Variants in NTRK3 observed in about 807,000 individuals in gnomAD.
The protein encoded by NTRK3 is NT-3 growth factor receptor.
A neutral mutation model predicts 91.7 loss-of-function variants in NTRK3; 24 were observed. The ratio of observed to expected loss-of-function variants is 0.26; its 90% CI spans 0.19 to 0.37. The LOEUF (loss-of-function observed/expected upper bound fraction) is 0.37, where lower values mean the gene tolerates loss of function less well. Among genes scored for constraint, NTRK3 ranks in the 10% least tolerant of loss-of-function variants. The pLI is 1.00. For synonymous variants in NTRK3, 483 were observed against 404.0 expected (o/e 1.20, Z -2.34); for missense variants, 880 against 1,068.9 (o/e 0.82, Z 2.46).
At chr15:88,112,802 A>G (rs1201039465) in intron 13 of NTRK3, among the ~76,000 whole-genome samples, 1 of 152,174 alleles carries the variant, frequency 6.6e-6, no homozygotes, top group Non-Finnish European at 1.5e-5. Flanking sequence ...CCGCTTCAAG[A>G]AAGTGAACGG....
At chr15:88,200,506 T>C (rs1050888716) in intron 3 of NTRK3, among the ~76,000 whole-genome samples, 9 of 152,164 alleles carry the variant, frequency 5.9e-5, no homozygotes, top group African/African-American at 1.7e-4. Context: ...TGGGAGGTAA[T>C]TGAATCATGG....
Position 88,125,244 on chromosome 15 carries a change from G to A in NTRK3, c.1396+1027C>T, listed in dbSNP as rs558220948. 1.1e-4 allele frequency among the ~76,000 whole-genome samples: 16 copies of A among 152,320 alleles called. No homozygotes were observed. The South Asian group carries it at 2.3e-3, about 22-fold the overall frequency. ...GCTATGGACTAGTTCGGTTCCATGC[G>A]CAAACACTCCAACATTTGCATACAA... On this transcript the variant is annotated intron_variant, in intron 13 of 18. Transcript: ENST00000394480.
exon 19 of NTRK3, chr15:87,873,016 T>C (rs1032799558): frequency 1.7e-5 from 4 of 232,982 alleles, no homozygotes; most frequent in Non-Finnish European, 3.4e-5. Context: ...CAATGCACCC[T>C]GTACTCTCCC....
At chr15:88,175,161 G>A (rs779144972) in intron 5 of NTRK3, among the ~76,000 whole-genome samples, 5 of 152,136 alleles carry the variant, frequency 3.3e-5, no homozygotes, top group Admixed American at 2.0e-4. Flanking sequence ...CTTTTTCTTA[G>A]CCACAGTAAA....
intron 5 of NTRK3, among the ~76,000 whole-genome samples, chr15:88,179,117 GAGTA>G (rs1393241030): frequency 3.9e-5 from 6 of 152,178 alleles, no homozygotes; most frequent in African/African-American, 9.7e-5. Context: ...TTACTGTGGG[GAGTA>G]AGTGAGTTCA....
chr15:87,979,563 A>G, intron 14 of NTRK3: 1 of 779,002 alleles, frequency 1.3e-6, no homozygotes, highest in Non-Finnish European at 2.2e-6. Context: ...ATAGAGAGGG[A>G]GCTTGAAAGG....
chr15:87,965,110 G>A (rs2072669138), intron 14 of NTRK3, among the ~76,000 whole-genome samples: 1 of 152,174 alleles, frequency 6.6e-6, no homozygotes, highest in Non-Finnish European at 1.5e-5. Flanking sequence ...ATGTGCACGT[G>A]GAATGATTTG....
At chr15:88,045,567 G>A (rs1267855801) in intron 13 of NTRK3, among the ~76,000 whole-genome samples, 7 of 152,182 alleles carry the variant, frequency 4.6e-5, no homozygotes, top group Non-Finnish European at 8.8e-5. Context: ...ACTTCCTAGA[G>A]CTGCCATAAC....
In NTRK3 at chr15:88,237,733, C is replaced by T. The variant is rs904801745; in HGVS notation, c.248+18173G>A. Among the ~76,000 whole-genome samples, 4 of 151,988 alleles carry T rather than the reference C, an allele frequency of 2.6e-5. No homozygotes were observed. Among genetic ancestry groups the T allele is most frequent in the African/African-American group, 4.8e-5 (2 of 41,352 alleles). ...GCTTACATGACCGACTAAGCAGACA[C>T]TTTGGGCATTCGCAACAAGACACAC... On this transcript the variant is annotated intron_variant, in intron 3 of 18. Transcript: ENST00000394480. This position sits in a 1 kb window ranked among gnomAD's most constrained non-coding sequence, Gnocchi z 4.0.
chr15:87,940,149 C>T (rs1426444726), intron 15 of NTRK3, among the ~76,000 whole-genome samples: 1 of 152,074 alleles, frequency 6.6e-6, no homozygotes, highest in African/African-American at 2.4e-5. Context: ...CCCTGCTGCA[C>T]CCCCCTCCCT....
At chr15:88,002,181 T>TG (rs2076153705) in intron 14 of NTRK3, among the ~76,000 whole-genome samples, 1 of 147,662 alleles carries the variant, frequency 6.8e-6, no homozygotes, top group South Asian at 2.1e-4. Flanking sequence ...TTTTTTTTTT[T>TG]TTTTTTTTTT....
In NTRK3 at chr15:88,233,863, C is replaced by T. The variant is rs2051438114; in HGVS notation, c.248+22043G>A. On this transcript the variant is annotated intron_variant, in intron 3 of 18. Coordinates refer to ENST00000394480, the Ensembl canonical transcript of NTRK3. This position sits in a 1 kb window ranked among gnomAD's most constrained non-coding sequence, Gnocchi z 4.2. ...CCCTAGAACAAAGCCAGAAACATGGCTCTCAGGGCTGTGAAAACAAATCAT... is the reference window on the plus strand; with the variant it reads ...CCCTAGAACAAAGCCAGAAACATGGTTCTCAGGGCTGTGAAAACAAATCAT... 1.3e-5 allele frequency among the ~76,000 whole-genome samples: 2 copies of T among 152,176 alleles called. No individual in the cohort carries two copies. The highest frequency in any genetic ancestry group is 4.8e-5 in the African/African-American group (2 of 41,422).
At chr15:87,974,183 T>A (rs1011502753) in intron 14 of NTRK3, among the ~76,000 whole-genome samples, 2 of 151,824 alleles carry the variant, frequency 1.3e-5, no homozygotes, top group Non-Finnish European at 2.9e-5. Flanking sequence ...CGGTCACACC[T>A]GTGGCTGGGG....
At chr15:88,019,882 T>C (rs1463281891) in intron 14 of NTRK3, among the ~76,000 whole-genome samples, 1 of 152,184 alleles carries the variant, frequency 6.6e-6, no homozygotes, top group Non-Finnish European at 1.5e-5. Flanking sequence ...GTACTTTCAG[T>C]CAAAAGGATC....
intron 3 of NTRK3, among the ~76,000 whole-genome samples, chr15:88,217,845 G>C (rs578260134): frequency 1.3e-4 from 19 of 151,240 alleles, no homozygotes; most frequent in Admixed American, 1.1e-3. Context: ...TGCAAGCTCC[G>C]CCTCCCGGGT....
At chr15:88,189,967 A>T (rs1266613469) in intron 3 of NTRK3, among the ~76,000 whole-genome samples, 1 of 152,200 alleles carries the variant, frequency 6.6e-6, no homozygotes, top group Non-Finnish European at 1.5e-5. Flanking sequence ...AAATTGTAGA[A>T]CACAAAGACG....
At chr15:88,220,858 G>A (rs1182929526) in intron 3 of NTRK3, among the ~76,000 whole-genome samples, 1 of 152,132 alleles carries the variant, frequency 6.6e-6, no homozygotes. Context: ...ATGGCAGAAA[G>A]GTCCCAAGAG....
rs78425750 is a variant in NTRK3 at position 87,867,839 on chromosome 15, T to A, written c.*9096A>T. ...TACTCAGGAACAAATTCAGTACCAT[T>A]TCCCCCAGAAAATTAATTAATTAAA... On this transcript the variant is annotated 3_prime_UTR_variant, in exon 19 of 19. Transcript: ENST00000394480. 1,241 of 226,834 alleles carry A rather than the reference T, an allele frequency of 5.5e-3. 24 individuals are homozygous for A. The highest frequency in any genetic ancestry group is 0.031 in the East Asian group (481 of 15,658). 14.1% of individuals were successfully genotyped at this position (226,834 alleles called of 1,614,324 possible).
chr15:88,108,823 G>T (rs2050997503), intron 13 of NTRK3, among the ~76,000 whole-genome samples: 1 of 152,160 alleles, frequency 6.6e-6, no homozygotes. Context: ...CAGAAATGCA[G>T]AACCTCAGGC....
Sources: gnomAD v4.1 joint callset for allele counts (sites outside exome capture counted in the v4.1 genomes callset) on GRCh38, gnomAD v4.1.1 for gene constraint, Gnocchi (gnomAD v3.1) non-coding constraint, MANE v1.5 for transcripts, NCBI Gene and HGNC (gene_info 2026-07-23, HGNC 2026-07-21) for gene names.